ACSS3: variants seen among roughly 807,000 people sequenced by gnomAD.
ACSS3 encodes the protein acyl-CoA synthetase short chain family member 3, also known as acyl-CoA synthetase short-chain family member 3, mitochondrial.
Under a neutral mutation model 84.2 loss-of-function variants are expected in ACSS3, and 64 were observed. That is an observed-to-expected ratio of 0.76 (90% confidence interval 0.62 to 0.94). The LOEUF (loss-of-function observed/expected upper bound fraction) is 0.94. ACSS3 is among the 40% of genes least tolerant of loss of function. ACSS3 has a pLI of 0.00. For missense variants in ACSS3, 815 were observed against 867.6 expected, an observed-to-expected ratio of 0.94 and a Z score of 0.76; for synonymous variants, 317 against 310.1, an observed-to-expected ratio of 1.02 and a Z score of -0.23.
intron 8 of ACSS3, among the ~76,000 whole-genome samples, chr12:81,190,864 G>A (rs928578569): frequency 2.0e-5 from 3 of 151,820 alleles, no homozygotes; most frequent in Non-Finnish European, 4.4e-5. Context: ...CCCTCTTATT[G>A]TATTAGGAGT....
At chr12:81,252,551 T>C (rs1057473060) in intron 13 of ACSS3, among the ~76,000 whole-genome samples, 8 of 152,100 alleles carry the variant, frequency 5.3e-5, no homozygotes, top group Admixed American at 4.6e-4. Flanking sequence ...AAATAAATGT[T>C]AATCTTTCAG....
intron 2 of ACSS3, among the ~76,000 whole-genome samples, chr12:81,132,916 G>T (rs2121549846): frequency 6.6e-6 from 1 of 151,976 alleles, no homozygotes; most frequent in South Asian, 2.1e-4. Context: ...CTTTCTGCAG[G>T]GGTTGCACAC....
Position 81,224,573 on chromosome 12 carries a change from CATGT to C in ACSS3, c.1514+4498_1514+4501del, listed in dbSNP as rs760952152. ...ATACATATATATATACACACACACA[CATGT>C]GTGTGTGTGTGTGTGTGTGTGTGTA... On this transcript the variant is annotated intron_variant, in intron 11 of 15. Coordinates refer to ENST00000548058, the MANE Select transcript of ACSS3 (RefSeq NM_024560.4). Among the ~76,000 whole-genome samples, 1,331 of 135,140 alleles carry C rather than the reference CATGT, an allele frequency of 9.8e-3. 13 individuals carry two copies. The highest frequency in any genetic ancestry group is 0.019 in the East Asian group (82 of 4,282). 88.7% of individuals were successfully genotyped at this position (135,140 alleles called of 152,430 possible).
intron 12 of ACSS3, 143 bp from the exon 13 acceptor site, chr12:81,233,206 T>C (rs961469853): frequency 5.1e-6 from 4 of 788,658 alleles, no homozygotes; most frequent in African/African-American, 1.8e-5. Flanking sequence ...TAAAAAGTAG[T>C]GTAATTTCCT....
Position 81,233,474 on chromosome 12 carries a change from A to G in ACSS3, c.1719+3A>G, listed in dbSNP as rs752351164. The G allele has an allele frequency of 2.5e-6, 4 of 1,610,038 alleles. No individual in the cohort carries two copies. Among genetic ancestry groups the G allele is most frequent in the Middle Eastern group, 1.7e-4 (1 of 6,054 alleles). On this transcript the variant is annotated splice_donor_region_variant and intron_variant, in intron 13 of 15. Coordinates refer to ENST00000548058, the MANE Select transcript of ACSS3 (RefSeq NM_024560.4). ...TTTCTGCAGGCGCCATTGAAGAGGT[A>G]TTGATGAATATTGGTATTCTATTCC... is the stretch of plus-strand genomic sequence containing the variant.
At chr12:81,125,183 C>T (rs1884984961) in intron 2 of ACSS3, among the ~76,000 whole-genome samples, 1 of 151,964 alleles carries the variant, frequency 6.6e-6, no homozygotes. Context: ...CACCGCACTC[C>T]AGCCTGGGCA....
chr12:81,113,114 C>T (rs563093915), intron 2 of ACSS3, among the ~76,000 whole-genome samples: 30 of 152,074 alleles, frequency 2.0e-4, no homozygotes, highest in Non-Finnish European at 3.1e-4. Flanking sequence ...GTAAATGAAC[C>T]CATTTCCTAT....
Position 81,259,279 on chromosome 12 carries a change from ATATTT to A in ACSS3, c.*4364_*4368del. The A allele has an allele frequency of 2.9e-6, 1 of 345,052 alleles. No individual in the cohort carries two copies. Among genetic ancestry groups the A allele is most frequent in the Non-Finnish European group, 5.5e-6 (1 of 182,860 alleles). The allele number at this position is 345,052 out of a possible 1,614,324, so 21.4% of individuals were successfully genotyped here. A position where few individuals can be genotyped will look rare whatever the true frequency, so the allele number is the denominator to read the frequency against. ...TTGCACTCGAGACTCCATGAACCAT[ATATTT>A]TATTTTTTAAAAAATCATATTTATA... On this transcript the variant is annotated 3_prime_UTR_variant, in exon 16 of 16. Coordinates refer to ENST00000548058, the MANE Select transcript of ACSS3 (RefSeq NM_024560.4).
At chr12:81,187,461 T>G (rs965694993) in intron 8 of ACSS3, among the ~76,000 whole-genome samples, 1 of 151,900 alleles carries the variant, frequency 6.6e-6, no homozygotes, top group Admixed American at 6.6e-5. Context: ...GAGCTCATAT[T>G]CAGAGCTAAT....
intron 9 of ACSS3, among the ~76,000 whole-genome samples, chr12:81,213,793 T>TTTCTCTTCTCTTGTC (rs2032734879): frequency 3.2e-5 from 1 of 30,860 alleles, no homozygotes; most frequent in Non-Finnish European, 6.9e-5. Flanking sequence ...TCTCTTCTCT[T>TTTCTCTTCTCTTGTC]TTCTCTTCTC....
chr12:81,091,134 G>A (rs1881643870), intron 1 of ACSS3, among the ~76,000 whole-genome samples: 1 of 151,892 alleles, frequency 6.6e-6, no homozygotes, highest in African/African-American at 2.4e-5. Flanking sequence ...CTGTGGATAT[G>A]GAGGGCTGAC....
chr12:81,156,209 C>CCACACACA (rs34147790), intron 7 of ACSS3, among the ~76,000 whole-genome samples: 21 of 147,182 alleles, frequency 1.4e-4, no homozygotes, highest in South Asian at 2.2e-4. Flanking sequence ...CACACACACC[C>CCACACACA]CACACACACA....
intron 1 of ACSS3, among the ~76,000 whole-genome samples, chr12:81,107,482 A>AT (rs1883113309): frequency 2.2e-5 from 2 of 90,356 alleles, no homozygotes; most frequent in Admixed American, 1.3e-4. Context: ...CCTGCCAGAA[A>AT]TGTTTTTTTT....
intron 1 of ACSS3, among the ~76,000 whole-genome samples, chr12:81,085,048 C>T (rs912865252): frequency 8.5e-5 from 13 of 152,144 alleles, no homozygotes; most frequent in African/African-American, 3.1e-4. Flanking sequence ...TATTTCCTCT[C>T]CTCCCTTTAA....
rs542489978 is a variant in ACSS3, at chr12:81,157,379, A to G, written c.1098+5283A>G. ...TCAACCTGACAAAAGATCACCTATG[A>G]AAAAACCTGCTGCTAATATCATACC... On this transcript the variant is annotated intron_variant, in intron 7 of 15. Transcript: ENST00000548058. 3.9e-5 allele frequency among the ~76,000 whole-genome samples: 6 copies of G among 152,356 alleles called. No homozygotes were observed. The South Asian group carries it at 1.2e-3, about 32-fold the overall frequency.
intron 7 of ACSS3, among the ~76,000 whole-genome samples, chr12:81,162,814 A>G (rs1887219603): frequency 6.6e-6 from 1 of 151,986 alleles, no homozygotes; most frequent in African/African-American, 2.4e-5. Flanking sequence ...GGGGCCAAGG[A>G]GGTAGGGGGC....
At chr12:81,157,770 G>A (rs1235718818) in intron 7 of ACSS3, among the ~76,000 whole-genome samples, 1 of 152,052 alleles carries the variant, frequency 6.6e-6, no homozygotes, top group Non-Finnish European at 1.5e-5. Flanking sequence ...TCGCAACACT[G>A]CACTCCAGCC....
At chr12:81,147,960 C>T (rs1886421739) in intron 5 of ACSS3, among the ~76,000 whole-genome samples, 1 of 151,524 alleles carries the variant, frequency 6.6e-6, no homozygotes, top group African/African-American at 2.4e-5. Flanking sequence ...TGCATGGATA[C>T]ATGCATATGT....
chr12:81,178,256 T>C (rs2030644475), intron 8 of ACSS3, among the ~76,000 whole-genome samples: 1 of 148,058 alleles, frequency 6.8e-6, no homozygotes. Context: ...TAGGTGGGAA[T>C]TGAACAATGA....
Sources: allele counts gnomAD v4.1 joint callset (sites outside exome capture counted in the v4.1 genomes callset), GRCh38; gene constraint gnomAD v4.1.1; transcripts MANE v1.5; gene names NCBI Gene and HGNC (gene_info 2026-07-23, HGNC 2026-07-21).